The following MACROD2 variants were observed in gnomAD, a reference collection of about 807,000 sequenced individuals.
MACROD2 encodes mono-ADP ribosylhydrolase 2, also known as ADP-ribose glycohydrolase MACROD2.
A neutral mutation model predicts 70.4 loss-of-function variants in MACROD2; 36 were observed. That is an observed-to-expected ratio of 0.51 (90% CI 0.39 to 0.68). MACROD2 has a LOEUF of 0.68. Among genes scored for constraint, MACROD2 ranks in the 30% least tolerant of loss-of-function variants. MACROD2 has a pLI of 0.00. For missense variants in MACROD2, 496 were observed against 538.4 expected (o/e 0.92, Z 0.78); for synonymous variants, 172 against 178.8 (o/e 0.96, Z 0.30).
intron 5 of MACROD2, among the ~76,000 whole-genome samples, chr20:14,993,903 A>T (rs1289773202): frequency 6.6e-6 from 1 of 152,088 alleles, no homozygotes; most frequent in Non-Finnish European, 1.5e-5. Context: ...CACTTAAGAG[A>T]TTTTTTTTAA....
intron 6 of MACROD2, among the ~76,000 whole-genome samples, chr20:15,423,189 T>C (rs550963932): frequency 6.6e-6 from 1 of 152,342 alleles, no homozygotes; most frequent in East Asian, 1.9e-4. Flanking sequence ...CTTGCTTACA[T>C]GGCTATGGGT....
At chr20:14,101,141 A>G (rs993541883) in intron 3 of MACROD2, among the ~76,000 whole-genome samples, 5 of 151,742 alleles carry the variant, frequency 3.3e-5, no homozygotes, top group Admixed American at 6.6e-5. Context: ...TTTTCTAGGC[A>G]TATACATTTT....
intron 4 of MACROD2, among the ~76,000 whole-genome samples, chr20:14,505,393 A>G (rs528893446): frequency 6.6e-6 from 1 of 152,312 alleles, no homozygotes; most frequent in East Asian, 1.9e-4. Context: ...ATCAAGGAAT[A>G]CCTGTTTTTG....
chr20:15,788,151 T>G (rs1210746217), intron 8 of MACROD2, among the ~76,000 whole-genome samples: 2 of 152,282 alleles, frequency 1.3e-5, no homozygotes, highest in African/African-American at 4.8e-5. Flanking sequence ...GTCACTGGAA[T>G]CATCGATTCC....
At chr20:14,751,362 C>A (rs1221421865) in intron 5 of MACROD2, among the ~76,000 whole-genome samples, 1 of 151,872 alleles carries the variant, frequency 6.6e-6, no homozygotes, top group Non-Finnish European at 1.5e-5. Context: ...CCATTTAAGA[C>A]ACACAGCACA....
chr20:14,824,445 T>C (rs1185126360), intron 5 of MACROD2, among the ~76,000 whole-genome samples: 3 of 152,098 alleles, frequency 2.0e-5, no homozygotes, highest in Non-Finnish European at 4.4e-5. Flanking sequence ...TCAGTGGGGA[T>C]GGCTTATCTC....
chr20:15,511,256 A>G (rs996051956), intron 8 of MACROD2, among the ~76,000 whole-genome samples: 3 of 152,250 alleles, frequency 2.0e-5, no homozygotes, highest in Non-Finnish European at 2.9e-5. Flanking sequence ...ATATCATTTA[A>G]GTTTCACAAT....
At chr20:15,921,658 G>T (rs1030642243) in intron 10 of MACROD2, among the ~76,000 whole-genome samples, 2 of 152,182 alleles carry the variant, frequency 1.3e-5, no homozygotes, top group Non-Finnish European at 2.9e-5. Flanking sequence ...CCCTTCGTTA[G>T]CACGTATCAT....
intron 8 of MACROD2, among the ~76,000 whole-genome samples, chr20:15,567,008 T>A (rs886939339): frequency 1.2e-4 from 18 of 151,976 alleles, no homozygotes; most frequent in Admixed American, 9.2e-4. Flanking sequence ...ATCTTTTTTT[T>A]AATGTTTTTT....
intron 6 of MACROD2, among the ~76,000 whole-genome samples, chr20:15,305,640 G>T (rs1041777881): frequency 5.3e-5 from 8 of 150,982 alleles, no homozygotes; most frequent in African/African-American, 1.7e-4. Context: ...CTATTACAAT[G>T]CTGAGTTGAT....
intron 8 of MACROD2, among the ~76,000 whole-genome samples, chr20:15,535,014 C>T (rs1302346776): frequency 6.6e-6 from 1 of 152,050 alleles, no homozygotes; most frequent in East Asian, 1.9e-4. Context: ...CTCACTCTGT[C>T]ACGCAGGCTG....
At chr20:15,471,731 T>G (rs1430057508) in intron 7 of MACROD2, among the ~76,000 whole-genome samples, 1 of 152,176 alleles carries the variant, frequency 6.6e-6, no homozygotes, top group East Asian at 1.9e-4. Flanking sequence ...CTTCTCCTTC[T>G]TTTCTGTCTA....
At chr20:15,231,294 A>G (rs1391003444) in intron 6 of MACROD2, among the ~76,000 whole-genome samples, 1 of 152,048 alleles carries the variant, frequency 6.6e-6, no homozygotes, top group Non-Finnish European at 1.5e-5. Context: ...CTTAGAGGTG[A>G]AAGCTGAAGT....
intron 6 of MACROD2, among the ~76,000 whole-genome samples, chr20:15,269,850 A>G (rs912263888): frequency 1.1e-4 from 16 of 152,172 alleles, no homozygotes; most frequent in African/African-American, 3.6e-4. Flanking sequence ...ATCACTAATG[A>G]GGCTTCCATT....
intron 5 of MACROD2, among the ~76,000 whole-genome samples, chr20:14,909,297 G>C (rs891323855): frequency 1.3e-5 from 2 of 152,048 alleles, no homozygotes; most frequent in African/African-American, 4.8e-5. Context: ...CCTTCCCAGG[G>C]CTTCGAATCT....
intron 10 of MACROD2, among the ~76,000 whole-genome samples, chr20:15,916,768 G>A (rs2065322384): frequency 6.6e-6 from 1 of 152,222 alleles, no homozygotes; most frequent in Non-Finnish European, 1.5e-5. Context: ...TGGACAAGAG[G>A]CAGTTGGAGG....
chr20:15,926,372 T>C (rs1294633476), intron 10 of MACROD2, among the ~76,000 whole-genome samples: 2 of 152,164 alleles, frequency 1.3e-5, no homozygotes, highest in Admixed American at 6.6e-5. Context: ...AGAATATTTA[T>C]TGAACCCCTA....
intron 3 of MACROD2, among the ~76,000 whole-genome samples, chr20:14,275,792 AC>A (rs1601425520): frequency 6.7e-6 from 1 of 149,286 alleles, no homozygotes; most frequent in African/African-American, 2.4e-5. Flanking sequence ...CAAGAAAAAA[AC>A]AACCCCATCA....
chr20:14,452,430 A>G (rs2084255592), intron 3 of MACROD2, among the ~76,000 whole-genome samples: 1 of 152,070 alleles, frequency 6.6e-6, no homozygotes, highest in Non-Finnish European at 1.5e-5. Flanking sequence ...TCCATCTTAT[A>G]TTATTCTTGT....
Sources: allele counts gnomAD v4.1 joint callset (sites outside exome capture counted in the v4.1 genomes callset), GRCh38; gene constraint gnomAD v4.1.1; transcripts MANE v1.5; gene names NCBI Gene and HGNC (gene_info 2026-07-23, HGNC 2026-07-21).